DHRSX: variants seen among roughly 807,000 people sequenced by gnomAD.
DHRSX encodes polyprenol dehydrogenase.
Under a neutral mutation model 34.0 loss-of-function variants are expected in DHRSX, and 31 were observed. That is an observed-to-expected ratio of 0.91 (90% CI 0.69 to 1.23). The LOEUF is 1.23. Among genes scored for constraint, DHRSX ranks in the 50% most tolerant of loss-of-function variants. The pLI is 0.00. For missense variants in DHRSX, 414 were observed against 428.1 expected, an observed-to-expected ratio of 0.97 and a Z score of 0.29; for synonymous variants, 201 against 183.8, an observed-to-expected ratio of 1.09 and a Z score of -0.76.
intron 6 of DHRSX, among the ~76,000 whole-genome samples, chrX:2,230,781 T>C (rs1040434383): frequency 7.2e-5 from 11 of 152,120 alleles, no homozygotes; most frequent in African/African-American, 2.4e-4. Flanking sequence ...GGCTGCAATG[T>C]CAAATCTTGG....
intron 1 of DHRSX, among the ~76,000 whole-genome samples, chrX:2,469,448 G>A (rs1487856388): frequency 2.0e-5 from 3 of 151,880 alleles, no homozygotes; most frequent in Admixed American, 1.3e-4. Flanking sequence ...CCCTAGGCAT[G>A]TGGCCAAGGG....
chrX:2,227,686 A>G (rs1408982662), intron 6 of DHRSX, among the ~76,000 whole-genome samples: 2 of 64,548 alleles, frequency 3.1e-5, no homozygotes, highest in Admixed American at 3.5e-4. Flanking sequence ...AAGAAAAAAA[A>G]AGAAGAGAAA....
At chrX:2,496,254 A>G (rs886669251) in intron 1 of DHRSX, among the ~76,000 whole-genome samples, 7 of 152,082 alleles carry the variant, frequency 4.6e-5, no homozygotes, top group African/African-American at 1.4e-4. Context: ...GCTTGAGTGC[A>G]GTGGCGCAAT....
At chrX:2,345,507 C>T (rs939346365) in intron 3 of DHRSX, among the ~76,000 whole-genome samples, 23 of 151,632 alleles carry the variant, frequency 1.5e-4, no homozygotes, top group African/African-American at 3.1e-4. Context: ...ATTAGCTGGG[C>T]GTGGTGGTGT....
At chrX:2,498,163 C>G (rs766200271) in intron 1 of DHRSX, among the ~76,000 whole-genome samples, 1 of 152,276 alleles carries the variant, frequency 6.6e-6, no homozygotes, top group East Asian at 1.9e-4. Context: ...TGTAAGTCAA[C>G]TCATGTGGAA....
At chrX:2,383,859 G>A (rs73630294) in intron 3 of DHRSX, among the ~76,000 whole-genome samples, 1,622 of 152,350 alleles carry the variant, frequency 0.011, 36 homozygotes, top group African/African-American at 0.037. Flanking sequence ...ATGGTCAGGA[G>A]GCAGAGGAGG....
intron 2 of DHRSX, among the ~76,000 whole-genome samples, chrX:2,421,486 G>A (rs1012371472): frequency 1.3e-5 from 2 of 152,206 alleles, no homozygotes; most frequent in Non-Finnish European, 2.9e-5. Flanking sequence ...GACGGAGCAA[G>A]GAGCCATGTG....
At chrX:2,493,996 AAGAT>A (rs1334564640) in intron 1 of DHRSX, among the ~76,000 whole-genome samples, 2 of 151,712 alleles carry the variant, frequency 1.3e-5, no homozygotes, top group Non-Finnish European at 2.9e-5. Flanking sequence ...AACAAAAAAA[AAGAT>A]ATATATGCTA....
chrX:2,352,869 C>A (rs2124577000), intron 3 of DHRSX, among the ~76,000 whole-genome samples: 1 of 152,212 alleles, frequency 6.6e-6, no homozygotes, highest in South Asian at 2.1e-4. Flanking sequence ...TCAGCTTAAG[C>A]CACAAAACTT....
chrX:2,343,421 A>G (rs1163120043), intron 3 of DHRSX, among the ~76,000 whole-genome samples: 1 of 152,206 alleles, frequency 6.6e-6, no homozygotes, highest in African/African-American at 2.4e-5. Context: ...TTTCATTCAA[A>G]AGGCATCATG....
At chrX:2,367,253 C>T (rs756976047) in intron 3 of DHRSX, among the ~76,000 whole-genome samples, 1 of 151,926 alleles carries the variant, frequency 6.6e-6, no homozygotes, top group Admixed American at 6.6e-5. Context: ...GCCTGACCAA[C>T]ATGGTGAAAT....
intron 3 of DHRSX, among the ~76,000 whole-genome samples, chrX:2,360,348 G>T (rs2042914320): frequency 1.3e-5 from 2 of 152,324 alleles, no homozygotes; most frequent in Middle Eastern, 3.4e-3. Context: ...ACTTTGGGAG[G>T]CCAAGGTGGG....
intron 3 of DHRSX, among the ~76,000 whole-genome samples, chrX:2,298,985 CAAAAAAA>C (rs1162323678): frequency 1.1e-4 from 10 of 88,534 alleles, no homozygotes; most frequent in Admixed American, 5.1e-4. Flanking sequence ...AACTCTGTCT[CAAAAAAA>C]AAAAAAAAAA....
At chrX:2,435,220 C>G (rs1384326408) in intron 1 of DHRSX, among the ~76,000 whole-genome samples, 1 of 152,128 alleles carries the variant, frequency 6.6e-6, no homozygotes, top group African/African-American at 2.4e-5. Flanking sequence ...GCGGACAATG[C>G]TGGCTTCACA....
intron 5 of DHRSX, among the ~76,000 whole-genome samples, chrX:2,264,876 T>TGTACGCAG: frequency 6.7e-6 from 1 of 149,450 alleles, no homozygotes; most frequent in Non-Finnish European, 1.5e-5. Flanking sequence ...CAGGGAGCAC[T>TGTACGCAG]ATGCCGGGCA....
chrX:2,266,658 G>A lies in DHRSX; in HGVS notation c.596+82C>T, dbSNP rs181925634. The A allele has an allele frequency of 1.3e-4, 174 of 1,369,438 alleles. 1 individual carries two copies. Among genetic ancestry groups the A allele is most frequent in the Admixed American group, 3.9e-4 (23 of 59,212 alleles). 84.8% of individuals were successfully genotyped at this position (1,369,438 alleles called of 1,614,324 possible). On this transcript the variant is annotated intron_variant, in intron 5 of 6. Transcript: ENST00000334651. ...CCAGCGTCCAGCAGATGCAGGGAGCGCCACACCGCACAGACAGAGGGAGAT... is the reference window on the plus strand; with the variant it reads ...CCAGCGTCCAGCAGATGCAGGGAGCACCACACCGCACAGACAGAGGGAGAT...
chrX:2,400,769 GTATTTTCAATCTACTCAATT>G (rs1458771713), intron 3 of DHRSX, among the ~76,000 whole-genome samples: 3 of 152,118 alleles, frequency 2.0e-5, no homozygotes, highest in Non-Finnish European at 4.4e-5. Context: ...ACTGACTCTT[GTATTTTCAATCTACTCAATT>G]ACGTTGATGA....
intron 3 of DHRSX, among the ~76,000 whole-genome samples, chrX:2,358,541 CAA>C (rs930120168): frequency 6.6e-6 from 1 of 151,676 alleles, no homozygotes; most frequent in African/African-American, 2.4e-5. Flanking sequence ...ACTAAGAATA[CAA>C]AAAAAATTAG....
chrX:2,496,660 A>G (rs1171818130), intron 1 of DHRSX, among the ~76,000 whole-genome samples: 1 of 152,070 alleles, frequency 6.6e-6, no homozygotes, highest in Non-Finnish European at 1.5e-5. Context: ...GCTAAAAGAG[A>G]TTTTAAATGT....
Sources: gnomAD v4.1 joint callset for allele counts (sites outside exome capture counted in the v4.1 genomes callset) on GRCh38, gnomAD v4.1.1 for gene constraint, MANE v1.5 for transcripts, NCBI Gene and HGNC (gene_info 2026-07-23, HGNC 2026-07-21) for gene names.